Variants in DMD observed in about 807,000 individuals in gnomAD.
The protein encoded by DMD is dystrophin, also known as mutant dystrophin.
A neutral mutation model predicts 330.1 loss-of-function variants in DMD; 63 were observed. The observed-to-expected ratio is 0.19, with a 90% confidence interval of 0.16 to 0.24. The LOEUF is 0.24. Ranked by LOEUF, DMD falls within the 10% of genes least tolerant of loss-of-function variation. DMD has a pLI of 1.00. For synonymous variants in DMD, 1,223 were observed against 959.8 expected, an observed-to-expected ratio of 1.27 and a Z score of -5.07; for missense variants, 3,344 against 2,684.1, an observed-to-expected ratio of 1.25 and a Z score of -5.43.
At chrX:31,851,849 G>A (rs2093532478) in intron 48 of DMD, among the ~76,000 whole-genome samples, 1 of 111,671 alleles carries the variant, frequency 9.0e-6, no homozygotes, top group African/African-American at 3.3e-5. Context: ...TTTAGAAAGT[G>A]CCTGCAGGGA....
At chrX:32,776,284 C>CT (rs759897199) in intron 7 of DMD, among the ~76,000 whole-genome samples, 2 of 85,995 alleles carry the variant, frequency 2.3e-5, no homozygotes, top group East Asian at 3.1e-4. Flanking sequence ...TTCTTCTGAC[C>CT]CCCCCCCCAA....
intron 7 of DMD, among the ~76,000 whole-genome samples, chrX:32,804,873 A>C: frequency 8.9e-6 from 1 of 112,438 alleles, no homozygotes; most frequent in Non-Finnish European, 1.9e-5. Flanking sequence ...GCAAACCTGC[A>C]GCAGAGGGGC....
chrX:32,402,412 A>T (rs1407341613), intron 30 of DMD, among the ~76,000 whole-genome samples: 1 of 111,600 alleles, frequency 9.0e-6, no homozygotes, highest in African/African-American at 3.2e-5. Flanking sequence ...TTATAGAGTC[A>T]TGTATATATC....
intron 62 of DMD, among the ~76,000 whole-genome samples, chrX:31,308,252 G>C (rs1025689472): frequency 8.9e-6 from 1 of 112,015 alleles, no homozygotes; most frequent in Non-Finnish European, 1.9e-5. Flanking sequence ...GATAGAAGAG[G>C]ATTTTAAGGT....
At chrX:33,259,285 A>G (rs2052911171) in intron 1 of DMD, among the ~76,000 whole-genome samples, 1 of 109,996 alleles carries the variant, frequency 9.1e-6, no homozygotes, top group South Asian at 3.8e-4. Flanking sequence ...ACTTCATACC[A>G]CAATGGTATG....
rs775063186 is a variant in DMD at position 31,540,849 on chromosome X, C to T, written c.8218-33396G>A. Among the ~76,000 whole-genome samples, 9 of 111,891 alleles carry T rather than the reference C, an allele frequency of 8.0e-5. No homozygotes were observed. In the South Asian group the frequency reaches 2.2e-3, roughly 28 times the overall value. ...AAGGCATTGTTGGTACAAATAGAAA[C>T]GCTGCTAAAATGCCGAGTCTGGAAA... On this transcript the variant is annotated intron_variant, in intron 55 of 78. Coordinates refer to ENST00000357033, the MANE Select transcript of DMD (RefSeq NM_004006.3).
chrX:31,880,864 C>T lies in DMD; in HGVS notation c.6913-5491G>A, dbSNP rs190423990. 1.4e-3 allele frequency among the ~76,000 whole-genome samples: 159 copies of T among 112,125 alleles called. 3 individuals are homozygous for T. Among genetic ancestry groups the T allele is most frequent in the African/African-American group, 5.0e-3 (154 of 30,850 alleles). On this transcript the variant is annotated intron_variant, in intron 47 of 78. Coordinates refer to ENST00000357033, the MANE Select transcript of DMD (RefSeq NM_004006.3). ...TGCAATACTTGATAATGATAATAAA[C>T]AACTGTTATTGGTTTATGTATTTAC...
intron 12 of DMD, among the ~76,000 whole-genome samples, chrX:32,599,144 G>A (rs2055898834): frequency 8.9e-6 from 1 of 112,026 alleles, no homozygotes; most frequent in Non-Finnish European, 1.9e-5. Context: ...AAAACAGTAA[G>A]CACGTCTCCT....
intron 29 of DMD, among the ~76,000 whole-genome samples, chrX:32,429,207 TCC>T (rs1425227271): frequency 1.0e-5 from 1 of 97,303 alleles, no homozygotes; most frequent in African/African-American, 3.9e-5. Flanking sequence ...TTCTTTTCTT[TCC>T]TTTTTTTTTT....
At chrX:32,125,559 G>A (rs1205960885) in intron 44 of DMD, among the ~76,000 whole-genome samples, 2 of 111,640 alleles carry the variant, frequency 1.8e-5, no homozygotes, top group African/African-American at 3.3e-5. Context: ...AGAGTTTCAG[G>A]GCTGGAGATG....
intron 74 of DMD, among the ~76,000 whole-genome samples, chrX:31,154,281 GTTT>G (rs368158779): frequency 4.0e-5 from 4 of 99,413 alleles, no homozygotes; most frequent in African/African-American, 1.6e-4. Flanking sequence ...TTATTCTAAT[GTTT>G]TTTTTTTATT....
chrX:32,514,473 G>A (rs1257516925), intron 18 of DMD, among the ~76,000 whole-genome samples: 1 of 112,151 alleles, frequency 8.9e-6, no homozygotes, highest in Admixed American at 9.4e-5. Context: ...CGGGCGCGGT[G>A]GCTCACGCCT....
At position 32,275,784 on chromosome X, in the gene DMD, A is replaced by G. The variant is rs769385668; in HGVS notation, c.6290+11745T>C. 1.2e-4 allele frequency among the ~76,000 whole-genome samples: 13 copies of G among 111,805 alleles called. No individual in the cohort carries two copies. The East Asian group carries it at 3.7e-3, about 32-fold the overall frequency. ...CATAAACCATGGTTTCAACAATTCAAAAAAGTGAGACGGAGTGGTGCAAGA... is the reference window on the plus strand; with the variant it reads ...CATAAACCATGGTTTCAACAATTCAGAAAAGTGAGACGGAGTGGTGCAAGA... On this transcript the variant is annotated intron_variant, in intron 43 of 78. Coordinates refer to ENST00000357033, the MANE Select transcript of DMD (RefSeq NM_004006.3).
intron 43 of DMD, among the ~76,000 whole-genome samples, chrX:32,255,460 G>C (rs1276105373): frequency 9.2e-6 from 1 of 109,210 alleles, no homozygotes; most frequent in Non-Finnish European, 1.9e-5. Context: ...AAATGGCAGA[G>C]TTTAATAGTT....
chrX:31,726,463 G>T (rs1274891023), intron 52 of DMD, among the ~76,000 whole-genome samples: 8 of 112,138 alleles, frequency 7.1e-5, no homozygotes, highest in African/African-American at 2.6e-4. Context: ...TTCTTTTTGA[G>T]CATTTCTAGA....
At chrX:31,872,782 T>C (rs2093912877) in intron 48 of DMD, among the ~76,000 whole-genome samples, 1 of 111,524 alleles carries the variant, frequency 9.0e-6, no homozygotes, top group Non-Finnish European at 1.9e-5. Flanking sequence ...AAGGTTATTG[T>C]GTATTGGGCC....
At chrX:32,589,135 T>C (rs2054607925) in intron 13 of DMD, among the ~76,000 whole-genome samples, 1 of 111,891 alleles carries the variant, frequency 8.9e-6, no homozygotes, top group Non-Finnish European at 1.9e-5. Context: ...ACCATCACAA[T>C]AGTGTTCATG....
chrX:31,594,434 C>T (rs949123738), intron 55 of DMD, among the ~76,000 whole-genome samples: 7 of 111,379 alleles, frequency 6.3e-5, no homozygotes, highest in Admixed American at 5.7e-4. Flanking sequence ...AAGTTATTAT[C>T]AGCTGATATA....
chrX:31,782,435 C>A (rs1348998981), intron 50 of DMD, among the ~76,000 whole-genome samples: 1 of 111,071 alleles, frequency 9.0e-6, no homozygotes, highest in Non-Finnish European at 1.9e-5. Context: ...GTCACCCACA[C>A]CGTCTCAACT....
Sources: gnomAD v4.1 joint callset for allele counts (sites outside exome capture counted in the v4.1 genomes callset) on GRCh38, gnomAD v4.1.1 for gene constraint, MANE v1.5 for transcripts, NCBI Gene and HGNC (gene_info 2026-07-23, HGNC 2026-07-21) for gene names.